Variants in TEX11 observed in about 807,000 individuals in gnomAD.
The protein encoded by TEX11 is testis expressed 11.
Under a neutral mutation model 84.4 loss-of-function variants are expected in TEX11, and 7 were observed. That is an observed-to-expected ratio of 0.08 (90% CI 0.05 to 0.16). The LOEUF (loss-of-function observed/expected upper bound fraction) is 0.16, where lower values mean the gene tolerates loss of function less well. Among genes scored for constraint, TEX11 ranks in the 10% least tolerant of loss-of-function variants. The pLI, the probability that TEX11 is intolerant of heterozygous loss-of-function variation, is 1.00. For missense variants in TEX11, 551 were observed against 660.5 expected (o/e 0.83, Z 1.82); for synonymous variants, 264 against 222.8 (o/e 1.18, Z -1.64).
chrX:70,879,896 A>G, intron 3 of TEX11, 92 bp downstream of exon 3: 1 of 757,013 alleles, frequency 1.3e-6, no homozygotes, highest in Non-Finnish European at 1.8e-6. Context: ...GCAATGGTTA[A>G]GCATGAAGAC....
chrX:70,616,689 G>A (rs961380136), intron 20 of TEX11, among the ~76,000 whole-genome samples: 2 of 112,044 alleles, frequency 1.8e-5, no homozygotes, highest in Non-Finnish European at 3.8e-5. Context: ...GGACTATTCG[G>A]CCATAGAAAA....
At chrX:70,743,249 CA>C (rs2090745511) in intron 10 of TEX11, among the ~76,000 whole-genome samples, 1 of 112,123 alleles carries the variant, frequency 8.9e-6, no homozygotes, top group Admixed American at 9.5e-5. Flanking sequence ...GATAATATTT[CA>C]TTGTAGTCAC....
rs747072091 is a variant in TEX11, at chrX:70,544,552, T to A, written c.2520+7574A>T. On this transcript the variant is annotated intron_variant, in intron 28 of 29. Transcript: ENST00000374333. ...AATATATAAATATAAATTGACCTTG[T>A]CTTACTGCAACTTTTTTCCTTTATA... Among the ~76,000 whole-genome samples, 3 of 110,538 alleles carry A rather than the reference T, an allele frequency of 2.7e-5. No homozygotes were observed. In the South Asian group the frequency reaches 1.1e-3, roughly 42 times the overall value.
intron 9 of TEX11, among the ~76,000 whole-genome samples, chrX:70,744,425 T>A (rs1602090840): frequency 9.2e-6 from 1 of 108,649 alleles, no homozygotes; most frequent in Admixed American, 1.0e-4. Context: ...GAAAACAATT[T>A]CCTTAGGAGA....
intron 7 of TEX11, among the ~76,000 whole-genome samples, chrX:70,838,057 C>T (rs1490973158): frequency 8.9e-6 from 1 of 112,177 alleles, no homozygotes; most frequent in Admixed American, 9.5e-5. Flanking sequence ...GTACACAGAT[C>T]TCTCTTTACT....
In TEX11 at chrX:70,775,799, C is replaced by CAAAAAAAAAAAA. The variant is rs55995616; in HGVS notation, c.692+30905_692+30906insTTTTTTTTTTTT. Among the ~76,000 whole-genome samples, 4 of 44,080 alleles carry CAAAAAAAAAAAA rather than the reference C, an allele frequency of 9.1e-5. 1 individual carries two copies. Among genetic ancestry groups the CAAAAAAAAAAAA allele is most frequent in the South Asian group, 4.8e-3 (2 of 416 alleles). The allele number at this position is 44,080 out of a possible 115,157, so 38.3% of individuals were successfully genotyped here. On this transcript the variant is annotated intron_variant, in intron 9 of 29. Transcript: ENST00000374333. ...TGGGTGACAGAGCGAGACTCCGTCT[C>CAAAAAAAAAAAA]AAAAAAAAAAAGGCATACAAATGGC...
intron 17 of TEX11, among the ~76,000 whole-genome samples, chrX:70,639,915 C>A (rs1390600929): frequency 8.9e-6 from 1 of 111,872 alleles, no homozygotes; most frequent in Non-Finnish European, 1.9e-5. Flanking sequence ...CAAAGCTGGA[C>A]GGAGAAGGAC....
rs2090166227 is a variant in TEX11 at position 70,683,878 on chromosome X, A to G, written c.1005-1053T>C. ...AGAACGCAGAAATAAATCTTGTTATATATCATCAAATTATTTGTGACAAAG... is the reference window on the plus strand; with the variant it reads ...AGAACGCAGAAATAAATCTTGTTATGTATCATCAAATTATTTGTGACAAAG... On this transcript the variant is annotated intron_variant, in intron 13 of 29. Transcript: ENST00000374333. Among the ~76,000 whole-genome samples the G allele has an allele frequency of 2.7e-5, 3 of 111,455 alleles. No individual in the cohort carries two copies. The Admixed American group carries it at 2.8e-4, about 11-fold the overall frequency.
At chrX:70,769,707 G>A (rs1255574545) in intron 9 of TEX11, among the ~76,000 whole-genome samples, 1 of 111,369 alleles carries the variant, frequency 9.0e-6, no homozygotes, top group African/African-American at 3.3e-5. Context: ...TAGAATATAA[G>A]GACACCACAG....
intron 8 of TEX11, among the ~76,000 whole-genome samples, chrX:70,815,103 T>G (rs1338012845): frequency 4.5e-5 from 5 of 111,770 alleles, no homozygotes; most frequent in Non-Finnish European, 7.5e-5. Flanking sequence ...TTCAAAGCAG[T>G]GAAATGTCTC....
chrX:70,839,278 C>G lies in TEX11; in HGVS notation c.526-5685G>C, dbSNP rs773727124. Among the ~76,000 whole-genome samples, 4 of 111,609 alleles carry G rather than the reference C, an allele frequency of 3.6e-5. No individual in the cohort carries two copies. In the East Asian group the frequency reaches 8.5e-4, roughly 24 times the overall value. On this transcript the variant is annotated intron_variant, in intron 7 of 29. Coordinates refer to ENST00000374333, the MANE Select transcript of TEX11 (RefSeq NM_031276.3). ...CTGACACCTCACACGGCCGGGTACCCCTCTGAGACAAAACTTCCAGAGGAG... is the reference window on the plus strand; with the variant it reads ...CTGACACCTCACACGGCCGGGTACCGCTCTGAGACAAAACTTCCAGAGGAG...
intron 3 of TEX11, among the ~76,000 whole-genome samples, chrX:70,878,100 TATA>T (rs2091664506): frequency 9.1e-6 from 1 of 110,048 alleles, no homozygotes; most frequent in Admixed American, 9.7e-5. Context: ...CTAGAATGAC[TATA>T]ATCAAAAAGA....
intron 8 of TEX11, among the ~76,000 whole-genome samples, chrX:70,809,515 G>C (rs2091239532): frequency 9.0e-6 from 1 of 111,195 alleles, no homozygotes; most frequent in Non-Finnish European, 1.9e-5. Flanking sequence ...TCTAAAGTGG[G>C]AAGTCAATAT....
chrX:70,875,230 C>A (rs1322243544), intron 3 of TEX11, among the ~76,000 whole-genome samples: 1 of 110,181 alleles, frequency 9.1e-6, no homozygotes, highest in Non-Finnish European at 1.9e-5. Context: ...AAGTTCATAT[C>A]TTTTGTCCCA....
chrX:70,601,962 C>T (rs957533305), intron 24 of TEX11, among the ~76,000 whole-genome samples: 7 of 111,088 alleles, frequency 6.3e-5, no homozygotes, highest in South Asian at 3.9e-4. Context: ...GGCAACCATC[C>T]GATTTCTCAA....
At chrX:70,739,327 C>G (rs1367011513) in intron 11 of TEX11, among the ~76,000 whole-genome samples, 1 of 110,218 alleles carries the variant, frequency 9.1e-6, no homozygotes. Flanking sequence ...TGAAAAAAAC[C>G]TTTCTAAAGT....
At chrX:70,645,927 C>G (rs943462559) in intron 17 of TEX11, among the ~76,000 whole-genome samples, 1 of 110,942 alleles carries the variant, frequency 9.0e-6, no homozygotes, top group Non-Finnish European at 1.9e-5. Flanking sequence ...AAAATACTGA[C>G]GTTTCCACGG....
chrX:70,539,038 A>ATATATTTTTTTTTT, intron 28 of TEX11, among the ~76,000 whole-genome samples: 1 of 41,255 alleles, frequency 2.4e-5, no homozygotes, highest in African/African-American at 9.2e-5. Context: ...ATATATATAT[A>ATATATTTTTTTTTT]TTTTTTTTTT....
intron 13 of TEX11, among the ~76,000 whole-genome samples, chrX:70,700,192 T>G (rs376184704): frequency 9.0e-6 from 1 of 111,505 alleles, no homozygotes; most frequent in Non-Finnish European, 1.9e-5. Context: ...CATAGCTCAC[T>G]GCCGTCTTGA....
Sources: gnomAD v4.1 joint callset for allele counts (sites outside exome capture counted in the v4.1 genomes callset) on GRCh38, gnomAD v4.1.1 for gene constraint, MANE v1.5 for transcripts, NCBI Gene and HGNC (gene_info 2026-07-23, HGNC 2026-07-21) for gene names.